EPM2A: variants seen among roughly 807,000 people sequenced by gnomAD.
EPM2A encodes the protein laforin.
EPM2A carries 21 observed loss-of-function variants against 26.5 expected under a neutral mutation model. That is an observed-to-expected ratio of 0.79 (90% CI 0.56 to 1.14). EPM2A has a LOEUF of 1.14. EPM2A is among the 50% of genes most tolerant of loss of function. EPM2A has a pLI of 0.00. For missense variants in EPM2A, 458 were observed against 440.8 expected (o/e 1.04, Z -0.35); for synonymous variants, 217 against 177.6 (o/e 1.22, Z -1.76).
At chr6:145,423,870 G>T (rs543303001) in intron 4 of EPM2A, among the ~76,000 whole-genome samples, 49 of 152,340 alleles carry the variant, frequency 3.2e-4, no homozygotes, top group African/African-American at 1.2e-3. Flanking sequence ...GGAAGATTCA[G>T]GCATTAGTAT....
At chr6:145,383,358 T>G (rs949145398) in exon 5 of EPM2A, 25 of 152,178 alleles carry the variant, frequency 1.6e-4, no homozygotes, top group Admixed American at 1.3e-4. Context: ...CTGGGTAATT[T>G]ATAAAGGAAA....
At chr6:145,641,105 C>T (rs1018709326) in intron 2 of EPM2A, 4 of 152,118 alleles carry the variant, frequency 2.6e-5, no homozygotes, top group Non-Finnish European at 5.9e-5. Context: ...TAATTTTTGA[C>T]AAAATGCTCT....
At chr6:145,515,471 A>C (rs1015484979) in intron 2 of EPM2A, among the ~76,000 whole-genome samples, 2 of 152,226 alleles carry the variant, frequency 1.3e-5, no homozygotes, top group African/African-American at 4.8e-5. Flanking sequence ...GAAACTGAGA[A>C]GTCCAAGATC....
chr6:145,403,118 T>C (rs1486337861), intron 4 of EPM2A, among the ~76,000 whole-genome samples: 1 of 152,112 alleles, frequency 6.6e-6, no homozygotes, highest in Admixed American at 6.6e-5. Flanking sequence ...ACATAGTAGG[T>C]ATATATATTC....
chr6:145,608,709 C>T (rs1160978924), intron 2 of EPM2A, among the ~76,000 whole-genome samples: 1 of 152,112 alleles, frequency 6.6e-6, no homozygotes, highest in African/African-American at 2.4e-5. Context: ...AAGAGCCATA[C>T]ACTGTGCTGA....
intron 4 of EPM2A, among the ~76,000 whole-genome samples, chr6:145,432,372 C>T (rs1393148828): frequency 6.6e-6 from 1 of 152,186 alleles, no homozygotes; most frequent in East Asian, 1.9e-4. Context: ...GTCAAAGTTA[C>T]TCCTTGATCT....
intron 1 of EPM2A, among the ~76,000 whole-genome samples, chr6:145,726,328 T>C (rs1776204368): frequency 6.6e-6 from 1 of 151,630 alleles, no homozygotes; most frequent in South Asian, 2.1e-4. Flanking sequence ...AATAATTGAA[T>C]AGGTAAATAA....
At chr6:145,466,632 C>T (rs1000496386) in intron 4 of EPM2A, among the ~76,000 whole-genome samples, 1 of 152,060 alleles carries the variant, frequency 6.6e-6, no homozygotes, top group Admixed American at 6.5e-5. Flanking sequence ...ACCCAGCCAT[C>T]CCATTACTGG....
intron 2 of EPM2A, among the ~76,000 whole-genome samples, chr6:145,685,503 T>C (rs1780839863): frequency 6.6e-6 from 1 of 152,120 alleles, no homozygotes; most frequent in Non-Finnish European, 1.5e-5. Flanking sequence ...GCAACACATA[T>C]GCATATTGTT....
intron 1 of EPM2A, among the ~76,000 whole-genome samples, chr6:145,730,830 T>C (rs1776447754): frequency 6.6e-6 from 1 of 152,186 alleles, no homozygotes; most frequent in African/African-American, 2.4e-5. Context: ...TAGGGAGGTC[T>C]TCTAGAAAAG....
chr6:145,585,361 T>G (rs1781178128), intron 2 of EPM2A, among the ~76,000 whole-genome samples: 1 of 152,176 alleles, frequency 6.6e-6, no homozygotes, highest in African/African-American at 2.4e-5. Context: ...ATTACCAGCA[T>G]ATTATGCTTC....
rs957800583 is a variant in EPM2A at position 145,723,696 on chromosome 6, T to C, written c.301+11502A>G. Among the ~76,000 whole-genome samples, 5 of 152,056 alleles carry C rather than the reference T, an allele frequency of 3.3e-5. No individual in the cohort carries two copies. The East Asian group carries it at 7.7e-4, about 23-fold the overall frequency. On this transcript the variant is annotated intron_variant, in intron 1 of 3. Transcript: ENST00000367519. ...CCCTAAGAGAAGAAAACAAACAAGA[T>C]GAATGATATAAATGCCATGGATTTC...
intron 4 of EPM2A, among the ~76,000 whole-genome samples, chr6:145,384,333 T>C (rs1582711643): frequency 2.0e-5 from 3 of 149,598 alleles, no homozygotes; most frequent in Non-Finnish European, 4.5e-5. Flanking sequence ...AAGATGGCTG[T>C]TGTAAGTTGG....
At chr6:145,459,750 A>T (rs6570686) in intron 4 of EPM2A, among the ~76,000 whole-genome samples, 16,545 of 152,112 alleles carry the variant, frequency 0.11, 1,993 homozygotes, top group African/African-American at 0.3. Flanking sequence ...ATACCTCTAT[A>T]CCCTATCTGC....
intron 2 of EPM2A, among the ~76,000 whole-genome samples, chr6:145,539,784 G>T (rs1780482135): frequency 6.6e-6 from 1 of 151,960 alleles, no homozygotes; most frequent in South Asian, 2.1e-4. Context: ...GATCCTGAAG[G>T]GCTACCTCTC....
intron 2 of EPM2A, among the ~76,000 whole-genome samples, chr6:145,579,923 ATAT>A (rs891968556): frequency 1.3e-5 from 2 of 152,128 alleles, no homozygotes; most frequent in Admixed American, 6.6e-5. Flanking sequence ...TATTCAAGTG[ATAT>A]TATAATAATT....
chr6:145,670,387 A>T (rs1220743793), intron 2 of EPM2A: 1 of 152,204 alleles, frequency 6.6e-6, no homozygotes, highest in Non-Finnish European at 1.5e-5. Flanking sequence ...GAGATCTAGC[A>T]GTCAAGCTCT....
At chr6:145,640,327 G>A (rs1278710763) in intron 2 of EPM2A, 1 of 152,144 alleles carries the variant, frequency 6.6e-6, no homozygotes, top group East Asian at 1.9e-4. Flanking sequence ...TAATGGCCAT[G>A]AGAAATGGCA....
chr6:145,710,313 T>C (rs1325557866), intron 1 of EPM2A, among the ~76,000 whole-genome samples: 2 of 152,066 alleles, frequency 1.3e-5, no homozygotes, highest in African/African-American at 4.8e-5. Context: ...AGGCGAAGGA[T>C]ATCGACAGAC....
Sources: allele counts gnomAD v4.1 joint callset (sites outside exome capture counted in the v4.1 genomes callset), GRCh38; gene constraint gnomAD v4.1.1; transcripts MANE v1.5; gene names NCBI Gene and HGNC (gene_info 2026-07-23, HGNC 2026-07-21).